The following HOXB2 variants were observed in gnomAD, a reference collection of about 807,000 sequenced individuals.
The protein encoded by HOXB2 is homeobox protein Hox-B2.
A neutral mutation model predicts 13.1 loss-of-function variants in HOXB2; 14 were observed. The observed-to-expected ratio is 1.07, with a 90% CI of 0.71 to 1.67. The LOEUF (loss-of-function observed/expected upper bound fraction) is 1.67, where lower values mean the gene tolerates loss of function less well. HOXB2 is among the 40% of genes most tolerant of loss of function. The pLI is 0.00. For synonymous variants in HOXB2, 261 were observed against 233.1 expected, an observed-to-expected ratio of 1.12 and a Z score of -1.09; for missense variants, 582 against 488.3, an observed-to-expected ratio of 1.19 and a Z score of -1.81.
chr17:48,544,588 G>T lies in HOXB2; in HGVS notation c.324C>A (p.Ser108Arg), dbSNP rs1458418807. The change falls in exon 1 of 2, where the codon AGC becomes AGA. Residue 108 changes from serine (S) to arginine (R), a missense_variant. Physicochemically the swap from Ser to Arg is moderately radical, Grantham distance 110 (BLOSUM62 -1). Coordinates refer to ENST00000330070, the MANE Select transcript of HOXB2 (RefSeq NM_002145.4). The part of the protein sequence containing the change: ...MKEKKSAKKP[S>R]QSATSPSPAA... ...CCGGAGAAGGAGACGTGGCGGATTG[G>T]CTGGGTTTCTTGGCGGATTTCTTCT... The T allele has an allele frequency of 9.9e-6, 16 of 1,608,722 alleles. No individual in the cohort carries two copies. Among genetic ancestry groups the T allele is most frequent in the Non-Finnish European group, 1.4e-5 (16 of 1,179,958 alleles).
At position 48,544,624 on chromosome 17, in the gene HOXB2, A is replaced by G; in HGVS notation, c.288T>C (p.Pro96=). ...TGGCGGATTTCTTCTCTTTCATCCA[A>G]GGGAACTCGGGGGCCGGGGGGGCAG... ...LPAAPPAPEF[P]WMKEKKSAKK... is the part of the protein sequence containing the mutation. Residue 96 remains proline, a synonymous_variant, in exon 1 of 2, where the codon CCT becomes CCC. Coordinates refer to ENST00000330070, the MANE Select transcript of HOXB2 (RefSeq NM_002145.4). 3.1e-6 allele frequency: 5 copies of G among 1,611,254 alleles called. No homozygotes were observed. The highest frequency in any genetic ancestry group is 4.2e-6 in the Non-Finnish European group (5 of 1,179,480).
At chr17:48,543,860 A>AC (rs1359896953) in intron 1 of HOXB2, 113 bp from the exon 2 acceptor site, 11 of 474,152 alleles carry the variant, frequency 2.3e-5, no homozygotes, top group African/African-American at 4.6e-5. Flanking sequence ...TCGCCACCCC[A>AC]CCCCCGCCCC....
At position 48,544,177 on chromosome 17, in the gene HOXB2, C is replaced by G. The variant is rs1480762744; in HGVS notation, c.391+344G>C. The G allele has an allele frequency of 3.0e-6, 3 of 985,322 alleles. No homozygotes were observed. The African/African-American group carries it at 5.2e-5, about 17-fold the overall frequency. The allele number at this position is 985,322 out of a possible 1,614,324, so 61.0% of individuals were successfully genotyped here. ...TGGGGCAGAAAGGACCGAATCTTTT[C>G]TGCTTCTAGGGTCTATCCCAGCAAC... On this transcript the variant is annotated intron_variant, in intron 1 of 1. Coordinates refer to ENST00000330070, the MANE Select transcript of HOXB2 (RefSeq NM_002145.4).
chr17:48,542,909 TAGA>T lies in HOXB2; in HGVS notation c.*156_*158del, dbSNP rs755731454. ...AAAGATAACCGAGTGCCCAATATTTTAGAAGAAGAAGAAAGGGAGTGGATTAAA... is the reference window on the plus strand; with the variant it reads ...AAAGATAACCGAGTGCCCAATATTTTAGAAGAAGAAAGGGAGTGGATTAAA... On this transcript the variant is annotated 3_prime_UTR_variant, in exon 2 of 2. Transcript: ENST00000330070. The T allele has an allele frequency of 1.0e-4, 50 of 478,950 alleles. No individual in the cohort carries two copies. Among genetic ancestry groups the T allele is most frequent in the African/African-American group, 4.0e-4 (20 of 49,844 alleles). The allele number at this position is 478,950 out of a possible 1,614,324, so 29.7% of individuals were successfully genotyped here. A position where few individuals can be genotyped will look rare whatever the true frequency, so the allele number is the denominator to read the frequency against.
chr17:48,544,245 T>C, intron 1 of HOXB2: 2 of 1,353,938 alleles, frequency 1.5e-6, no homozygotes, highest in South Asian at 2.0e-5. Context: ...AAAACCTCAA[T>C]CAAATCATTT....
intron 1 of HOXB2, 120 bp downstream of exon 1, chr17:48,544,401 G>T: frequency 6.9e-7 from 1 of 1,443,954 alleles, no homozygotes. Flanking sequence ...CCCCATCCCA[G>T]GAATGGAGGG....
chr17:48,544,936 CTG>C lies in HOXB2; in HGVS notation c.-27_-26del. On this transcript the variant is annotated 5_prime_UTR_variant, in exon 1 of 2. Coordinates refer to ENST00000330070, the MANE Select transcript of HOXB2 (RefSeq NM_002145.4). ...TGGCTTTCAATGGTGGGGGAGGGGGCTGCTGGGGGGGGCGTCAGGAGGGAGGA... is the reference window on the plus strand; with the variant it reads ...TGGCTTTCAATGGTGGGGGAGGGGGCCTGGGGGGGGCGTCAGGAGGGAGGA... 1 of 695,926 alleles carries C rather than the reference CTG, an allele frequency of 1.4e-6. No homozygotes were observed. The highest frequency in any genetic ancestry group is 2.1e-6 in the Non-Finnish European group (1 of 472,250). 43.1% of individuals were successfully genotyped at this position (695,926 alleles called of 1,614,324 possible). A position where few individuals can be genotyped will look rare whatever the true frequency, so the allele number is the denominator to read the frequency against.
Position 48,543,325 on chromosome 17 carries a change from C to A in HOXB2, c.814G>T (p.Ala272Ser). ...PLAVRLEGAG[A>S]SSPGCALRGA... ...CGCAGCGCGCAGCCGGGACTCGACG[C>A]GCCTGCGCCCTCTAAGCGAACGGCT... is the stretch of plus-strand genomic sequence containing the variant. Residue 272 changes from alanine to serine, a missense_variant, in exon 2 of 2, where the codon GCG becomes TCG. Coordinates refer to ENST00000330070, the MANE Select transcript of HOXB2 (RefSeq NM_002145.4). The A allele has an allele frequency of 6.3e-7, 1 of 1,599,768 alleles. No individual in the cohort carries two copies.
In HOXB2 at chr17:48,543,034, G is replaced by A. The variant is rs376191088; in HGVS notation, c.*34C>T. 4.7e-5 allele frequency: 72 copies of A among 1,522,072 alleles called. No individual in the cohort carries two copies. Among genetic ancestry groups the A allele is most frequent in the Non-Finnish European group, 6.2e-5 (70 of 1,131,008 alleles). 94.3% of individuals were successfully genotyped at this position (1,522,072 alleles called of 1,614,324 possible). On this transcript the variant is annotated 3_prime_UTR_variant, in exon 2 of 2. Transcript: ENST00000330070. ...TTTTTCCAGTAGACGGCCAAGGAGC[G>A]CGGGGGTCGAAAGGACCGGGAGGAG...
At chr17:48,543,792 G>GCCCAACCTCAGTTCGGACTAC in intron 1 of HOXB2, 45 bp from the exon 2 acceptor site, 1 of 1,538,728 alleles carries the variant, frequency 6.5e-7, no homozygotes, top group Non-Finnish European at 8.7e-7. Context: ...CGTGTACTCA[G>GCCCAACCTCAGTTCGGACTAC]CCCAACCTCA....
Position 48,543,251 on chromosome 17 carries a change from C to G in HOXB2, c.888G>C (p.Ser296=), listed in dbSNP as rs781565821. The change falls in exon 2 of 2, where the codon TCG becomes TCC. Residue 296 remains serine (S), a synonymous_variant. Transcript: ENST00000330070. ...EPGPLPEDVF[S]GRQDSPFLPD... ...GAAGGAAAGGTGAATCCTGGCGCCCCGAGAAGACGTCTTCTGGCAATGGCC... is the reference window on the plus strand; with the variant it reads ...GAAGGAAAGGTGAATCCTGGCGCCCGGAGAAGACGTCTTCTGGCAATGGCC... 1.1e-5 allele frequency: 18 copies of G among 1,610,682 alleles called. No homozygotes were observed. The highest frequency in any genetic ancestry group is 3.3e-5 in the South Asian group (3 of 91,056).
rs1170741052 is a variant in HOXB2, at chr17:48,543,588, T to G, written c.551A>C (p.Glu184Ala). Reference sequence around the variant, plus strand: ...CTGAAACCAGACTTTGACCTGCCTTTCGGTGAGGTCCAGCAAGGCCGCGAT... The same window carrying G: ...CTGAAACCAGACTTTGACCTGCCTTGCGGTGAGGTCCAGCAAGGCCGCGAT... ...VEIAALLDLT[E>A]RQVKVWFQNR... The change falls in exon 2 of 2, where the codon GAA becomes GCA. Residue 184 changes from glutamate (E) to alanine (A), a missense_variant. Coordinates refer to ENST00000330070, the MANE Select transcript of HOXB2 (RefSeq NM_002145.4). 1.2e-6 allele frequency: 2 copies of G among 1,613,420 alleles called. No homozygotes were observed. Among genetic ancestry groups the G allele is most frequent in the South Asian group, 1.1e-5 (1 of 91,072 alleles).
In HOXB2 at chr17:48,544,986, ACC is replaced by A; in HGVS notation, c.-77_-76del. 4 of 1,130,846 alleles carry A rather than the reference ACC, an allele frequency of 3.5e-6. No individual in the cohort carries two copies. Among genetic ancestry groups the A allele is most frequent in the Non-Finnish European group, 4.7e-6 (4 of 844,452 alleles). 70.1% of individuals were successfully genotyped at this position (1,130,846 alleles called of 1,614,324 possible). A position where few individuals can be genotyped will look rare whatever the true frequency, so the allele number is the denominator to read the frequency against. On this transcript the variant is annotated 5_prime_UTR_variant, in exon 1 of 2. Transcript: ENST00000330070. ...GGATCGGAAGGGACCCCCCTCCTGC[ACC>A]CCCCCCGATTTATGTAATGGAGCGA... is the stretch of plus-strand genomic sequence containing the variant.
At position 48,543,611 on chromosome 17, in the gene HOXB2, G is replaced by C. The variant is rs776013064; in HGVS notation, c.528C>G (p.Ile176Met). Residue 176 changes from isoleucine (I) to methionine (M), a missense_variant, in exon 2 of 2, where the codon ATC becomes ATG. By Grantham distance (10) the Ile-to-Met change is conservative (BLOSUM62 1). Transcript: ENST00000330070. ...TTTCGGTGAGGTCCAGCAAGGCCGC[G>C]ATCTCGACGCGGCGTGGCCGGCACA... ...KYLCRPRRVE[I>M]AALLDLTERQ... The C allele has an allele frequency of 4.3e-6, 7 of 1,613,648 alleles. No individual in the cohort carries two copies. The highest frequency in any genetic ancestry group is 5.9e-6 in the Non-Finnish European group (7 of 1,179,996).
chr17:48,544,137 C>G (rs1017811416), intron 1 of HOXB2: 20 of 985,260 alleles, frequency 2.0e-5, no homozygotes, highest in Non-Finnish European at 2.4e-5. Flanking sequence ...TGAATTCTTC[C>G]TCTTCTCCTA....
chr17:48,544,231 G>A, intron 1 of HOXB2: 6 of 1,350,364 alleles, frequency 4.4e-6, no homozygotes, highest in Non-Finnish European at 5.7e-6. Context: ...CACAGATACG[G>A]GTGAAAACCT....
Position 48,543,220 on chromosome 17 carries a change from G to T in HOXB2, c.919C>A (p.Leu307Ile). The stretch of plus-strand genomic sequence containing the variant: ...CAGGAGTCGGCCGCGAAGAAGTTGA[G>T]GTCGGGAAGGAAAGGTGAATCCTGG... ...GRQDSPFLPD[L>I]NFFAADSCLQ... Residue 307 changes from leucine to isoleucine, a missense_variant, in exon 2 of 2, where the codon CTC (leucine) becomes ATC (isoleucine). By Grantham distance (5) the Leu-to-Ile change is conservative. Coordinates refer to ENST00000330070, the MANE Select transcript of HOXB2 (RefSeq NM_002145.4). 1 of 1,613,592 alleles carries T rather than the reference G, an allele frequency of 6.2e-7. No individual in the cohort carries two copies. Among genetic ancestry groups the T allele is most frequent in the Non-Finnish European group, 8.5e-7 (1 of 1,180,020 alleles).
Position 48,545,041 on chromosome 17 carries a change from CTT to C in HOXB2, c.-132_-131del. 1.3e-6 allele frequency: 1 copy of C among 758,498 alleles called. No individual in the cohort carries two copies. The highest frequency in any genetic ancestry group is 2.0e-6 in the Non-Finnish European group (1 of 488,422). The allele number at this position is 758,498 out of a possible 1,614,324, so 47.0% of individuals were successfully genotyped here. A position where few individuals can be genotyped will look rare whatever the true frequency, so the allele number is the denominator to read the frequency against. ...TTGGGAGGGGGAGATTTCGGTCTCT[CTT>C]TTTTTTAATTTTGGGCCTTTATAAT... is the stretch of plus-strand genomic sequence containing the variant. On this transcript the variant is annotated 5_prime_UTR_variant, in exon 1 of 2. Transcript: ENST00000330070.
At chr17:48,543,900 T>C (rs1009218778) in intron 1 of HOXB2, 153 bp from the exon 2 acceptor site, 1 of 1,381,568 alleles carries the variant, frequency 7.2e-7, no homozygotes, top group African/African-American at 1.6e-5. Flanking sequence ...TTACTGCTTT[T>C]GGGTTTTCTT....
Sources: allele counts gnomAD v4.1 joint callset, GRCh38; gene constraint gnomAD v4.1.1; transcripts MANE v1.5; gene names NCBI Gene and HGNC (gene_info 2026-07-23, HGNC 2026-07-21).